TRAPPC6A: variants seen among roughly 807,000 people sequenced by gnomAD.
The protein encoded by TRAPPC6A is trafficking protein particle complex subunit 6A, also known as TRAPP complex subunit 6A.
TRAPPC6A carries 25 observed loss-of-function variants against 20.8 expected under a neutral mutation model. The ratio of observed to expected loss-of-function variants is 1.20; its 90% CI spans 0.88 to 1.68. The LOEUF (loss-of-function observed/expected upper bound fraction) is 1.68. Ranked by LOEUF, TRAPPC6A falls within the 40% of genes most tolerant of loss-of-function variation. The probability of loss-of-function intolerance (pLI) is 0.00; values close to 1 mark genes in which losing one functional copy is unlikely to be tolerated. For synonymous variants in TRAPPC6A, 96 were observed against 93.3 expected, an observed-to-expected ratio of 1.03 and a Z score of -0.16; for missense variants, 215 against 211.6, an observed-to-expected ratio of 1.02 and a Z score of -0.10.
At chr19:45,176,656 A>T (rs529429629) in intron 1 of TRAPPC6A, among the ~76,000 whole-genome samples, 1,754 of 152,208 alleles carry the variant, frequency 0.012, 35 homozygotes, top group African/African-American at 0.041. Flanking sequence ...AACTTATGAC[A>T]GGTTTGTATC....
chr19:45,171,529 C>G (rs2122847789), intron 1 of TRAPPC6A, among the ~76,000 whole-genome samples: 1 of 152,300 alleles, frequency 6.6e-6, no homozygotes, highest in South Asian at 2.1e-4. Context: ...AAGGATCAAT[C>G]AGACACAAAG....
At position 45,172,868 on chromosome 19, in the gene TRAPPC6A, G is replaced by A. The variant is rs184665023; in HGVS notation, c.84+5267C>T. ...GCCAGGCGCACCTCAGTTTAAACCCGGCTATGGCTCCCACTGCCTTCGGGA... is the reference window on the plus strand; with the variant it reads ...GCCAGGCGCACCTCAGTTTAAACCCAGCTATGGCTCCCACTGCCTTCGGGA... On this transcript the variant is annotated intron_variant, in intron 1 of 5. Transcript: ENST00000585934. The surrounding 1 kb of genome is among the most constrained non-coding windows in gnomAD (Gnocchi z 4.2). Among the ~76,000 whole-genome samples the A allele has an allele frequency of 1.3e-5, 2 of 151,796 alleles. No homozygotes were observed. Among genetic ancestry groups the A allele is most frequent in the East Asian group, 3.9e-4 (2 of 5,176 alleles).
At chr19:45,164,681 G>A (rs942528563) in intron 3 of TRAPPC6A, 172 bp downstream of exon 3, 8 of 649,244 alleles carry the variant, frequency 1.2e-5, no homozygotes, top group Non-Finnish European at 2.2e-5. Context: ...ATGCCCCAGC[G>A]CAGCCTCCTG....
intron 1 of TRAPPC6A, among the ~76,000 whole-genome samples, chr19:45,167,141 G>A (rs556521165): frequency 5.3e-5 from 8 of 152,250 alleles, no homozygotes; most frequent in East Asian, 3.9e-4. Context: ...ATTCACATCC[G>A]GCCTTCAGCA....
Position 45,175,610 on chromosome 19 carries a change from G to A in TRAPPC6A, c.84+2525C>T, listed in dbSNP as rs182510825. 2.6e-4 allele frequency among the ~76,000 whole-genome samples: 40 copies of A among 152,234 alleles called. No homozygotes were observed. The East Asian group carries it at 6.0e-3, about 23-fold the overall frequency. ...CTGAAGGATTAATAGTTGTTAGCATGGTGAAGATGTGACAGGTGGAATGGG... is the reference window on the plus strand; with the variant it reads ...CTGAAGGATTAATAGTTGTTAGCATAGTGAAGATGTGACAGGTGGAATGGG... On this transcript the variant is annotated intron_variant, in intron 1 of 5. Transcript: ENST00000585934.
intron 1 of TRAPPC6A, among the ~76,000 whole-genome samples, chr19:45,175,855 T>A (rs1455285861): frequency 2.6e-5 from 4 of 152,150 alleles, no homozygotes; most frequent in African/African-American, 9.7e-5. Flanking sequence ...CCCAGGCTGA[T>A]GCATACTCCC....
At chr19:45,177,411 GCTCACTGCAA>G (rs1969412031) in intron 1 of TRAPPC6A, among the ~76,000 whole-genome samples, 1 of 151,990 alleles carries the variant, frequency 6.6e-6, no homozygotes, top group Admixed American at 6.6e-5. Context: ...CACAATCTTG[GCTCACTGCAA>G]CCTCCGCCTC....
chr19:45,167,412 A>T (rs1215816382), intron 1 of TRAPPC6A, among the ~76,000 whole-genome samples: 1 of 152,238 alleles, frequency 6.6e-6, no homozygotes, highest in Non-Finnish European at 1.5e-5. Flanking sequence ...TGAAATATTA[A>T]ACACTGAAAT....
chr19:45,176,001 T>C (rs2122862197), intron 1 of TRAPPC6A, among the ~76,000 whole-genome samples: 1 of 152,252 alleles, frequency 6.6e-6, no homozygotes, highest in East Asian at 1.9e-4. Flanking sequence ...GTAATCCCCA[T>C]GTTTTTTTAG....
chr19:45,176,456 T>G (rs1166543407), intron 1 of TRAPPC6A, among the ~76,000 whole-genome samples: 1 of 151,868 alleles, frequency 6.6e-6, no homozygotes, highest in Non-Finnish European at 1.5e-5. Context: ...AGAGCAAGAC[T>G]CTGTCTCAAA....
At chr19:45,174,142 G>A (rs1217553767) in intron 1 of TRAPPC6A, among the ~76,000 whole-genome samples, 1 of 152,172 alleles carries the variant, frequency 6.6e-6, no homozygotes, top group Non-Finnish European at 1.5e-5. Context: ...TCCTGACTCT[G>A]CCACTTGAGA....
Position 45,163,025 on chromosome 19 carries a change from T to G in TRAPPC6A, c.*167A>C. The G allele has an allele frequency of 2.8e-6, 2 of 710,214 alleles. No individual in the cohort carries two copies. The highest frequency in any genetic ancestry group is 4.5e-6 in the Non-Finnish European group (2 of 439,830). The allele number at this position is 710,214 out of a possible 1,614,324, so 44.0% of individuals were successfully genotyped here. A position where few individuals can be genotyped will look rare whatever the true frequency, so the allele number is the denominator to read the frequency against. ...CAGTCCTGACCGCAGCTGGGACCCC[T>G]TTGCCTCCTCTGACACCCCCACCTC... On this transcript the variant is annotated 3_prime_UTR_variant, in exon 6 of 6. Transcript: ENST00000585934. The surrounding 1 kb of genome is among the most constrained non-coding windows in gnomAD (Gnocchi z 5.3).
In TRAPPC6A at chr19:45,163,723, A is replaced by G. The variant is rs1969067543; in HGVS notation, c.448+193T>C. 6.6e-6 allele frequency among the ~76,000 whole-genome samples: 1 copy of G among 152,154 alleles called. No individual in the cohort carries two copies. The highest frequency in any genetic ancestry group is 1.5e-5 in the Non-Finnish European group (1 of 68,012). On this transcript the variant is annotated intron_variant, in intron 5 of 5. Coordinates refer to ENST00000585934, the MANE Select transcript of TRAPPC6A (RefSeq NM_001270891.2). The surrounding 1 kb of genome is among the most constrained non-coding windows in gnomAD (Gnocchi z 5.3). ...CTGGGAAACGATGTTCAAAACCGCC[A>G]GACAGTTCTCTCTGCAGGGCTGGCG...
At chr19:45,167,993 C>CTTTTTTT (rs968943946) in intron 1 of TRAPPC6A, among the ~76,000 whole-genome samples, 2 of 99,992 alleles carry the variant, frequency 2.0e-5, no homozygotes, top group Non-Finnish European at 3.9e-5. Flanking sequence ...AAGACCCTGT[C>CTTTTTTT]TTTTTTTTTT....
intron 1 of TRAPPC6A, among the ~76,000 whole-genome samples, chr19:45,167,461 G>A (rs987750517): frequency 5.9e-5 from 9 of 152,138 alleles, no homozygotes; most frequent in African/African-American, 2.2e-4. Context: ...AGATTAGGCC[G>A]GGCGCAGTGG....
intron 1 of TRAPPC6A, 96 bp from the exon 2 acceptor site, chr19:45,165,290 T>G: frequency 8.4e-7 from 1 of 1,190,380 alleles, no homozygotes; most frequent in Non-Finnish European, 1.2e-6. Flanking sequence ...AAGACCAACT[T>G]GCTGGTGCTC....
rs199775535 is a variant in TRAPPC6A at position 45,164,860 on chromosome 19, T to C, written c.263A>G (p.Asn88Ser). Residue 88 changes from asparagine to serine, a missense_variant, in exon 3 of 6, where the codon AAT (asparagine) becomes AGT (serine). Asn to Ser is a conservative substitution (Grantham distance 46, BLOSUM62 1). Transcript: ENST00000585934. ...FQKQMDSLRT[N>S]HQGTYVLQDN... is the part of the protein sequence containing the mutation. ...AGGCCGGGGTGCTCCCACCTGGTGA[T>C]TGGTGCGCAGGCTGTCCATCTGCTT... 7.4e-6 allele frequency: 12 copies of C among 1,613,926 alleles called. No homozygotes were observed. Among genetic ancestry groups the C allele is most frequent in the African/African-American group, 6.7e-5 (5 of 75,020 alleles).
intron 1 of TRAPPC6A, among the ~76,000 whole-genome samples, chr19:45,168,371 C>T (rs1367313577): frequency 6.6e-6 from 1 of 152,234 alleles, no homozygotes; most frequent in Non-Finnish European, 1.5e-5. Flanking sequence ...TCCTCCAGCT[C>T]AGGGTCCTGG....
chr19:45,167,390 G>A (rs1043013591), intron 1 of TRAPPC6A, among the ~76,000 whole-genome samples: 2 of 152,140 alleles, frequency 1.3e-5, no homozygotes, highest in African/African-American at 4.8e-5. Context: ...TCTAAATAAG[G>A]ATGAAAACAC....
Sources: allele counts gnomAD v4.1 joint callset (sites outside exome capture counted in the v4.1 genomes callset), GRCh38; gene constraint gnomAD v4.1.1; non-coding constraint Gnocchi (gnomAD v3.1); transcripts MANE v1.5; gene names NCBI Gene and HGNC (gene_info 2026-07-23, HGNC 2026-07-21).